The following COLEC10 variants were observed in gnomAD, a reference collection of about 807,000 sequenced individuals.
COLEC10 encodes collectin-10.
A neutral mutation model predicts 28.4 loss-of-function variants in COLEC10; 22 were observed. The observed-to-expected ratio is 0.78, with a 90% CI of 0.55 to 1.11. The LOEUF (loss-of-function observed/expected upper bound fraction) is 1.11. Among genes scored for constraint, COLEC10 ranks in the 50% least tolerant of loss-of-function variants. The pLI is 0.00. For synonymous variants in COLEC10, 125 were observed against 116.1 expected, an observed-to-expected ratio of 1.08 and a Z score of -0.49; for missense variants, 361 against 344.1, an observed-to-expected ratio of 1.05 and a Z score of -0.39.
chr8:119,054,777 G>C (rs1348671690), intron 2 of COLEC10, among the ~76,000 whole-genome samples: 1 of 151,994 alleles, frequency 6.6e-6, no homozygotes, highest in East Asian at 1.9e-4. Context: ...TGTATAAATT[G>C]TGACATGCCC....
upstream of COLEC10, among the ~76,000 whole-genome samples, chr8:119,064,416 G>A (rs767183178): frequency 1.3e-5 from 2 of 152,122 alleles, no homozygotes; most frequent in Non-Finnish European, 2.9e-5. Context: ...TGTATGCCAG[G>A]AAATGTTTGA....
intron 2 of COLEC10, among the ~76,000 whole-genome samples, chr8:119,028,474 A>C (rs1042109506): frequency 1.3e-5 from 2 of 152,152 alleles, no homozygotes; most frequent in South Asian, 2.1e-4. Context: ...TACTTCTTAC[A>C]TGGTAGCAGC....
chr8:119,085,383 C>T (rs987385330), intron 1 of COLEC10, among the ~76,000 whole-genome samples: 2 of 152,040 alleles, frequency 1.3e-5, no homozygotes, highest in African/African-American at 4.8e-5. Flanking sequence ...TATGACTCTA[C>T]TGGTACATGT....
intron 1 of COLEC10, among the ~76,000 whole-genome samples, chr8:119,002,772 G>A (rs1813725056): frequency 6.6e-6 from 1 of 152,104 alleles, no homozygotes; most frequent in Non-Finnish European, 1.5e-5. Context: ...AGGATTGCAT[G>A]GTTCTTGGGA....
intron 2 of COLEC10, among the ~76,000 whole-genome samples, chr8:119,030,292 G>A (rs1814264751): frequency 6.6e-6 from 1 of 152,100 alleles, no homozygotes; most frequent in African/African-American, 2.4e-5. Context: ...ATATTTAATA[G>A]TATATCACTA....
intron 2 of COLEC10, 125 bp downstream of exon 2, chr8:119,089,876 T>C: frequency 1.4e-6 from 1 of 699,858 alleles, no homozygotes; most frequent in Non-Finnish European, 2.5e-6. Flanking sequence ...TGAAATATAT[T>C]TCACACATGA....
intron 2 of COLEC10, among the ~76,000 whole-genome samples, chr8:119,057,471 C>T (rs1814784977): frequency 6.6e-6 from 1 of 152,024 alleles, no homozygotes; most frequent in Non-Finnish European, 1.5e-5. Context: ...AGATCAGGTG[C>T]CTCTCCTCAG....
chr8:118,960,537 C>T, the COLEC10 span, among the ~76,000 whole-genome samples: 1 of 152,122 alleles, frequency 6.6e-6, no homozygotes, highest in African/African-American at 2.4e-5. Context: ...GTAATCCCAG[C>T]ACTTTGGGAG....
At chr8:118,998,305 C>A (rs1813627514) in intron 1 of COLEC10, among the ~76,000 whole-genome samples, 1 of 152,102 alleles carries the variant, frequency 6.6e-6, no homozygotes, top group Non-Finnish European at 1.5e-5. Context: ...TAAACTTAAA[C>A]TCTATGTATG....
upstream of COLEC10, among the ~76,000 whole-genome samples, chr8:118,990,928 C>G (rs559316735): frequency 2.4e-4 from 36 of 150,918 alleles, no homozygotes; most frequent in South Asian, 4.4e-3. Context: ...GAAATGCTGT[C>G]AATTCCATAT....
chr8:119,086,821 G>C (rs1024892839), intron 1 of COLEC10, among the ~76,000 whole-genome samples: 1 of 152,174 alleles, frequency 6.6e-6, no homozygotes, highest in African/African-American at 2.4e-5. Flanking sequence ...AGCAGGACGC[G>C]CATCATTAGT....
rs1587067177 is a variant in COLEC10, at chr8:119,102,416, A to G, written c.346+15A>G. The G allele has an allele frequency of 6.3e-7, 1 of 1,590,688 alleles. No homozygotes were observed. Among genetic ancestry groups the G allele is most frequent in the Non-Finnish European group, 8.6e-7 (1 of 1,166,984 alleles). On this transcript the variant is annotated intron_variant, in intron 4 of 5. Transcript: ENST00000332843. ...AGGCAAAGCAGGTACGATATGTTCAATGTTCTCTTTGATTTCTAGCATGAT... is the reference window on the plus strand; with the variant it reads ...AGGCAAAGCAGGTACGATATGTTCAGTGTTCTCTTTGATTTCTAGCATGAT...
intron 2 of COLEC10, among the ~76,000 whole-genome samples, chr8:119,053,687 G>GC (rs1554625992): frequency 5.2e-5 from 2 of 38,530 alleles, no homozygotes; most frequent in African/African-American, 2.2e-4. Context: ...AAAAAAAGGT[G>GC]GGGGGGGCTT....
chr8:119,072,467 T>G (rs1815143801), intron 1 of COLEC10, among the ~76,000 whole-genome samples: 1 of 152,196 alleles, frequency 6.6e-6, no homozygotes, highest in African/African-American at 2.4e-5. Context: ...AAAAAGACTT[T>G]ATCATTCCCA....
intron 3 of COLEC10, among the ~76,000 whole-genome samples, chr8:119,096,312 C>T (rs750421065): frequency 1.3e-5 from 2 of 152,196 alleles, no homozygotes; most frequent in Non-Finnish European, 2.9e-5. Context: ...GAACTTCTGG[C>T]CAGGTACAGT....
At chr8:119,071,641 A>C (rs753694658) in intron 1 of COLEC10, among the ~76,000 whole-genome samples, 4 of 152,268 alleles carry the variant, frequency 2.6e-5, no homozygotes, top group Middle Eastern at 3.4e-3. Context: ...CTTATTACTA[A>C]GTGAAAATAT....
intron 2 of COLEC10, among the ~76,000 whole-genome samples, chr8:119,030,294 A>G (rs1229798526): frequency 6.6e-6 from 1 of 152,252 alleles, no homozygotes; most frequent in Non-Finnish European, 1.5e-5. Flanking sequence ...ATTTAATAGT[A>G]TATCACTAAT....
At chr8:119,003,068 T>C (rs923100) in intron 1 of COLEC10, among the ~76,000 whole-genome samples, 6,716 of 152,228 alleles carry the variant, frequency 0.044, 217 homozygotes, top group East Asian at 0.16. Context: ...TTGAAATGCA[T>C]GTGTAACTAT....
intron 2 of COLEC10, among the ~76,000 whole-genome samples, chr8:119,022,732 A>G (rs1420985613): frequency 6.6e-6 from 1 of 151,940 alleles, no homozygotes; most frequent in East Asian, 1.9e-4. Flanking sequence ...AGTCCCCTCC[A>G]CTGGCTGCCT....
Sources: allele counts gnomAD v4.1 joint callset (sites outside exome capture counted in the v4.1 genomes callset), GRCh38; gene constraint gnomAD v4.1.1; transcripts MANE v1.5; gene names NCBI Gene and HGNC (gene_info 2026-07-23, HGNC 2026-07-21).